TUBA3C: variants seen among roughly 807,000 people sequenced by gnomAD.
TUBA3C encodes the protein tubulin alpha 3c.
TUBA3C carries 23 observed loss-of-function variants against 33.4 expected under a neutral mutation model. The observed-to-expected ratio is 0.69, with a 90% CI of 0.50 to 0.98. TUBA3C has a LOEUF of 0.98. Among genes scored for constraint, TUBA3C ranks in the 50% least tolerant of loss-of-function variants. The pLI is 0.00. For missense variants in TUBA3C, 402 were observed against 616.0 expected (o/e 0.65, Z 3.68); for synonymous variants, 269 against 250.4 (o/e 1.07, Z -0.70).
At position 19,173,782 on chromosome 13, in the gene TUBA3C, A is replaced by AC. The variant is rs1869081515; in HGVS notation, c.*80dup. 1 of 1,548,910 alleles carries AC rather than the reference A, an allele frequency of 6.5e-7. No homozygotes were observed. Among genetic ancestry groups the AC allele is most frequent in the Non-Finnish European group, 8.7e-7 (1 of 1,147,460 alleles). On this transcript the variant is annotated 3_prime_UTR_variant, in exon 5 of 5. Coordinates refer to ENST00000400113, the MANE Select transcript of TUBA3C (RefSeq NM_006001.3). ...CGATACACAGAGGTCTTGGTTTTAT[A>AC]CAGAACCTTTAATTGCAAAGAACTT...
chr13:19,175,310 G>A (rs557587898), intron 4 of TUBA3C, among the ~76,000 whole-genome samples: 2 of 152,270 alleles, frequency 1.3e-5, no homozygotes, highest in African/African-American at 2.4e-5. Flanking sequence ...TCTTTTCCGG[G>A]AAGCCTAGTA....
chr13:19,180,950 T>C (rs964542186), intron 1 of TUBA3C, among the ~76,000 whole-genome samples: 2 of 146,980 alleles, frequency 1.4e-5, no homozygotes, highest in African/African-American at 5.1e-5. Flanking sequence ...AGAGCTGTTG[T>C]TGAGCCGTTT....
At position 19,173,851 on chromosome 13, in the gene TUBA3C, C is replaced by T. The variant is rs3764135; in HGVS notation, c.*12G>A. ...GGTGGCAGTGGAGTGGAGAACCCACCACACCCTCCCCTCAGTATTCTTCAC... is the reference window on the plus strand; with the variant it reads ...GGTGGCAGTGGAGTGGAGAACCCACTACACCCTCCCCTCAGTATTCTTCAC... On this transcript the variant is annotated 3_prime_UTR_variant, in exon 5 of 5. Transcript: ENST00000400113. The T allele has an allele frequency of 0.055, 88,495 of 1,605,406 alleles. 2,853 individuals carry two copies. The highest frequency in any genetic ancestry group is 0.07 in the Middle Eastern group (423 of 6,010).
intron 3 of TUBA3C, 59 bp downstream of exon 3, chr13:19,178,187 C>T: frequency 6.3e-7 from 1 of 1,595,912 alleles, no homozygotes; most frequent in Non-Finnish European, 8.6e-7. Context: ...CTCCCCTTCA[C>T]AATCTAAGAT....
chr13:19,177,359 G>A lies in TUBA3C; in HGVS notation c.624C>T (p.Ala208=), dbSNP rs1333105098. ...SDCAFMVDNE[A]IYDICRRNLD... ...GGTTGCGCCGACATATGTCATAGAT[G>A]GCTTCATTGTCGACCATGAAGGCAC... The change falls in exon 4 of 5, where the codon GCC becomes GCT. Residue 208 remains alanine (A), a synonymous_variant. Coordinates refer to ENST00000400113, the MANE Select transcript of TUBA3C (RefSeq NM_006001.3). This position sits in a 1 kb window ranked among gnomAD's most constrained non-coding sequence, Gnocchi z 5.0. 1.2e-6 allele frequency: 2 copies of A among 1,614,146 alleles called. No homozygotes were observed. Among genetic ancestry groups the A allele is most frequent in the Non-Finnish European group, 1.7e-6 (2 of 1,180,034 alleles).
chr13:19,179,467 C>T lies in TUBA3C; in HGVS notation c.100G>A (p.Gly34Ser). The change falls in exon 2 of 5, where the codon GGT (glycine) becomes AGT (serine). Residue 34 changes from glycine (G) to serine (S), a missense_variant. Transcript: ENST00000400113. ...YCLEHGIQPD[G>S]QMPSDKTIGG... ...ATGGTTTTATCACTTGGCATCTGAC[C>T]ATCGGGCTGAATTCCATGTTCCAGG... is the stretch of plus-strand genomic sequence containing the variant. The T allele has an allele frequency of 6.2e-7, 1 of 1,614,144 alleles. No homozygotes were observed. Among genetic ancestry groups the T allele is most frequent in the Non-Finnish European group, 8.5e-7 (1 of 1,180,004 alleles).
chr13:19,175,933 G>A lies in TUBA3C; in HGVS notation c.1056+994C>T, dbSNP rs36216407. On this transcript the variant is annotated intron_variant, in intron 4 of 4. Coordinates refer to ENST00000400113, the MANE Select transcript of TUBA3C (RefSeq NM_006001.3). ...TAATTTTTGTATTTTTAGTAGACAC[G>A]GGATTTTGCCCTGTTGGCCAGGCTG... Among the ~76,000 whole-genome samples the A allele has an allele frequency of 2.7e-4, 41 of 152,194 alleles. No homozygotes were observed. In the East Asian group the frequency reaches 7.0e-3, roughly 26 times the overall value.
chr13:19,176,314 G>A (rs1242270839), intron 4 of TUBA3C, among the ~76,000 whole-genome samples: 2 of 151,924 alleles, frequency 1.3e-5, no homozygotes, highest in Non-Finnish European at 2.9e-5. Flanking sequence ...TACTCAGGAG[G>A]CTGAGGTGAG....
At chr13:19,180,577 C>T (rs1256868046) in intron 1 of TUBA3C, among the ~76,000 whole-genome samples, 1 of 151,974 alleles carries the variant, frequency 6.6e-6, no homozygotes, top group Non-Finnish European at 1.5e-5. Flanking sequence ...TCTCAGCTCA[C>T]TGCAGCCTCT....
rs750568804 is a variant in TUBA3C at position 19,173,822 on chromosome 13, T to C, written c.*41A>G. ...GCAAAGAACTTGAAAGCAGCCACGC[T>C]GGGGGTGGCAGTGGAGTGGAGAACC... is the stretch of plus-strand genomic sequence containing the variant. On this transcript the variant is annotated 3_prime_UTR_variant, in exon 5 of 5. Coordinates refer to ENST00000400113, the MANE Select transcript of TUBA3C (RefSeq NM_006001.3). The C allele has an allele frequency of 6.3e-7, 1 of 1,584,152 alleles. No homozygotes were observed. Among genetic ancestry groups the C allele is most frequent in the Non-Finnish European group, 8.6e-7 (1 of 1,164,356 alleles).
Position 19,178,411 on chromosome 13 carries a change from A to G in TUBA3C, c.227-17T>C. ...GCACTTCATCTACAAAAGAGACCGTATGTACTGTGAATCTTTAAGGCCTAT... is the reference window on the plus strand; with the variant it reads ...GCACTTCATCTACAAAAGAGACCGTGTGTACTGTGAATCTTTAAGGCCTAT... On this transcript the variant is annotated splice_polypyrimidine_tract_variant and intron_variant, in intron 2 of 4. Transcript: ENST00000400113. 1.2e-6 allele frequency: 2 copies of G among 1,613,782 alleles called. No homozygotes were observed. Among genetic ancestry groups the G allele is most frequent in the Non-Finnish European group, 1.7e-6 (2 of 1,179,790 alleles).
chr13:19,174,349 G>T (rs768524732), intron 4 of TUBA3C, among the ~76,000 whole-genome samples, 190 bp from the exon 5 acceptor site: 6 of 152,016 alleles, frequency 3.9e-5, no homozygotes, highest in Non-Finnish European at 8.8e-5. Flanking sequence ...GCCCAGGCTG[G>T]CCTCAAACTC....
chr13:19,180,191 C>T (rs1869353389), intron 1 of TUBA3C, among the ~76,000 whole-genome samples: 2 of 152,178 alleles, frequency 1.3e-5, no homozygotes, highest in African/African-American at 2.4e-5. Flanking sequence ...GTACTCTCCC[C>T]TTGGCCCCTT....
intron 3 of TUBA3C, among the ~76,000 whole-genome samples, chr13:19,178,004 G>A (rs964781721): frequency 2.6e-5 from 4 of 152,032 alleles, no homozygotes; most frequent in Middle Eastern, 3.2e-3. Flanking sequence ...GCACCACCAC[G>A]CCTGACTAAT....
rs773471568 is a variant in TUBA3C at position 19,181,794 on chromosome 13, A to T, written c.-47T>A. The T allele has an allele frequency of 1.3e-6, 2 of 1,595,130 alleles. No homozygotes were observed. The highest frequency in any genetic ancestry group is 2.7e-5 in the African/African-American group (2 of 74,812). Reference sequence around the variant, plus strand: ...AGCCCAACGCTACTACTTGACCTCAACCGCCGCTGCAGCTGCGCACGCCCA... The same window carrying T: ...AGCCCAACGCTACTACTTGACCTCATCCGCCGCTGCAGCTGCGCACGCCCA... On this transcript the variant is annotated 5_prime_UTR_variant, in exon 1 of 5. The change creates a new upstream start codon in the 5' untranslated region. Coordinates refer to ENST00000400113, the MANE Select transcript of TUBA3C (RefSeq NM_006001.3).
In TUBA3C at chr13:19,177,701, G is replaced by T; in HGVS notation, c.376-94C>A. ...GCCACTTCTCTGCCTCTGAAGACTT[G>T]ATATGGATTCCAATCATCCATAATA... On this transcript the variant is annotated intron_variant, in intron 3 of 4. Transcript: ENST00000400113. The surrounding 1 kb of genome is among the most constrained non-coding windows in gnomAD (Gnocchi z 5.0). 6.9e-7 allele frequency: 1 copy of T among 1,443,070 alleles called. No homozygotes were observed. The highest frequency in any genetic ancestry group is 9.3e-7 in the Non-Finnish European group (1 of 1,077,068). The allele number at this position is 1,443,070 out of a possible 1,614,324, so 89.4% of individuals were successfully genotyped here.
intron 1 of TUBA3C, among the ~76,000 whole-genome samples, chr13:19,181,520 C>A (rs1469531167): frequency 1.3e-5 from 2 of 152,198 alleles, no homozygotes; most frequent in African/African-American, 4.8e-5. Flanking sequence ...TGACTCAAGG[C>A]CGGCAGCTTC....
intron 1 of TUBA3C, among the ~76,000 whole-genome samples, chr13:19,181,057 T>C (rs1869396915): frequency 7.1e-6 from 1 of 139,916 alleles, no homozygotes; most frequent in Non-Finnish European, 1.6e-5. Context: ...CGTTGGTTGC[T>C]TTTTTTTTTT....
At chr13:19,176,725 C>CA (rs55746544) in intron 4 of TUBA3C, among the ~76,000 whole-genome samples, 431 of 34,548 alleles carry the variant, frequency 0.012, 60 homozygotes, top group African/African-American at 0.027. Flanking sequence ...GACTCTGCCT[C>CA]AAAAAAAAAA....
Sources: gnomAD v4.1 joint callset for allele counts (sites outside exome capture counted in the v4.1 genomes callset) on GRCh38, gnomAD v4.1.1 for gene constraint, Gnocchi (gnomAD v3.1) non-coding constraint, MANE v1.5 for transcripts, NCBI Gene and HGNC (gene_info 2026-07-23, HGNC 2026-07-21) for gene names.